ITFG1: variants seen among roughly 807,000 people sequenced by gnomAD.
ITFG1 encodes integrin alpha FG-GAP repeat containing 1, also known as T-cell immunomodulatory protein.
A neutral mutation model predicts 81.8 loss-of-function variants in ITFG1; 34 were observed. That is an observed-to-expected ratio of 0.42 (90% CI 0.32 to 0.55). The LOEUF (loss-of-function observed/expected upper bound fraction) is 0.55. Ranked by LOEUF, ITFG1 falls within the 20% of genes least tolerant of loss-of-function variation. The pLI is 0.17. For synonymous variants in ITFG1, 285 were observed against 270.6 expected (o/e 1.05, Z -0.52); for missense variants, 672 against 755.4 (o/e 0.89, Z 1.29).
chr16:47,345,968 T>G (rs780561157), intron 8 of ITFG1, among the ~76,000 whole-genome samples: 4 of 152,126 alleles, frequency 2.6e-5, no homozygotes, highest in Non-Finnish European at 5.9e-5. Flanking sequence ...GTATCCCACT[T>G]TCAACATTAA....
chr16:47,319,114 C>T (rs909825457), intron 8 of ITFG1, among the ~76,000 whole-genome samples: 16 of 152,156 alleles, frequency 1.1e-4, no homozygotes, highest in Admixed American at 6.5e-5. Flanking sequence ...TTTGTGAAAT[C>T]ACACATTGAT....
At chr16:47,266,294 T>C (rs1179747302) in intron 10 of ITFG1, among the ~76,000 whole-genome samples, 1 of 152,194 alleles carries the variant, frequency 6.6e-6, no homozygotes, top group Non-Finnish European at 1.5e-5. Flanking sequence ...CTCGGCTCAC[T>C]GCAACCTCTG....
chr16:47,415,995 G>A (rs1164488417), intron 6 of ITFG1, among the ~76,000 whole-genome samples: 3 of 152,184 alleles, frequency 2.0e-5, no homozygotes, highest in African/African-American at 7.2e-5. Context: ...TCAGGGGGCT[G>A]AGGCAGGAGA....
At chr16:47,357,708 C>T (rs1390195468) in intron 8 of ITFG1, among the ~76,000 whole-genome samples, 1 of 151,592 alleles carries the variant, frequency 6.6e-6, no homozygotes. Flanking sequence ...AACACTCTTA[C>T]CTAGAAAGGC....
chr16:47,455,965 A>G (rs1417462741), intron 2 of ITFG1, among the ~76,000 whole-genome samples: 2 of 152,094 alleles, frequency 1.3e-5, no homozygotes, highest in Non-Finnish European at 2.9e-5. Flanking sequence ...AAATTTTTCA[A>G]AGAAATATTT....
chr16:47,329,140 C>T (rs1260804154), intron 8 of ITFG1, among the ~76,000 whole-genome samples: 1 of 152,050 alleles, frequency 6.6e-6, no homozygotes, highest in African/African-American at 2.4e-5. Context: ...AATCTTTACA[C>T]ACAAAAGCTT....
intron 14 of ITFG1, among the ~76,000 whole-genome samples, chr16:47,192,853 T>C (rs765319108): frequency 6.6e-5 from 10 of 152,222 alleles, no homozygotes; most frequent in Admixed American, 1.3e-4. Flanking sequence ...GAGAACTTGA[T>C]AGGTACTCTA....
intron 14 of ITFG1, among the ~76,000 whole-genome samples, chr16:47,173,456 C>T (rs1964984429): frequency 6.6e-6 from 1 of 152,100 alleles, no homozygotes; most frequent in East Asian, 1.9e-4. Flanking sequence ...AAAATTTAAT[C>T]CTCCAAATGT....
chr16:47,460,647 C>T (rs909224838), intron 1 of ITFG1, among the ~76,000 whole-genome samples, 191 bp downstream of exon 1: 3 of 152,018 alleles, frequency 2.0e-5, no homozygotes, highest in Non-Finnish European at 4.4e-5. Context: ...TGTAGGGTAG[C>T]TGGGTCAGAA....
chr16:47,437,169 TG>T (rs551129531), intron 5 of ITFG1, among the ~76,000 whole-genome samples: 30 of 152,316 alleles, frequency 2.0e-4, no homozygotes, highest in Admixed American at 1.8e-3. Context: ...TATGTATTTT[TG>T]AAAACAAATC....
intron 5 of ITFG1, among the ~76,000 whole-genome samples, chr16:47,430,013 G>A (rs1041660782): frequency 2.7e-5 from 4 of 147,546 alleles, no homozygotes; most frequent in African/African-American, 7.5e-5. Flanking sequence ...CCTTTATCTA[G>A]TATATGACTT....
chr16:47,187,842 A>T (rs948124656), intron 14 of ITFG1, among the ~76,000 whole-genome samples: 8 of 152,200 alleles, frequency 5.3e-5, no homozygotes, highest in Admixed American at 1.3e-4. Flanking sequence ...AAAATGGGAG[A>T]AAATCTTCGC....
chr16:47,165,751 G>A (rs1371126182), intron 14 of ITFG1, among the ~76,000 whole-genome samples: 1 of 152,112 alleles, frequency 6.6e-6, no homozygotes, highest in African/African-American at 2.4e-5. Flanking sequence ...GAGTTGACCT[G>A]GGAGAATCAC....
chr16:47,162,839 A>AC, intron 14 of ITFG1, 175 bp from the exon 15 acceptor site: 1 of 507,844 alleles, frequency 2.0e-6, no homozygotes. Flanking sequence ...TTTTTTTGAG[A>AC]CATGGTCTCA....
intron 8 of ITFG1, among the ~76,000 whole-genome samples, chr16:47,339,106 C>G (rs1306914815): frequency 6.6e-6 from 1 of 152,180 alleles, no homozygotes; most frequent in African/African-American, 2.4e-5. Context: ...CCTTCACTTC[C>G]CTCCATGTTG....
chr16:47,459,225 T>G (rs1381177911), intron 1 of ITFG1, 50 bp from the exon 2 acceptor site: 2 of 1,209,294 alleles, frequency 1.7e-6, no homozygotes, highest in Non-Finnish European at 2.5e-6. Flanking sequence ...TGATAAGATA[T>G]CTAATCAGTG....
chr16:47,246,739 G>A (rs956994928), intron 12 of ITFG1, among the ~76,000 whole-genome samples: 2 of 152,186 alleles, frequency 1.3e-5, no homozygotes, highest in African/African-American at 2.4e-5. Context: ...TTGTTAAGGA[G>A]TGCTACAGAA....
At chr16:47,442,534 T>C (rs1448434750) in intron 5 of ITFG1, among the ~76,000 whole-genome samples, 6 of 152,190 alleles carry the variant, frequency 3.9e-5, no homozygotes, top group Non-Finnish European at 7.3e-5. Context: ...AACAGCATGG[T>C]ACTGGTACCA....
At position 47,176,057 on chromosome 16, in the gene ITFG1, G is replaced by C. The variant is rs147298869; in HGVS notation, c.1454-13393C>G. 3.7e-3 allele frequency among the ~76,000 whole-genome samples: 561 copies of C among 152,308 alleles called. 4 individuals carry two copies. Among genetic ancestry groups the C allele is most frequent in the African/African-American group, 0.013 (541 of 41,546 alleles). ...GGGAATGAGCCTGGTTACTCTTGTT[G>C]ATCTTTAATGAGGGACGCCAATTTG... On this transcript the variant is annotated intron_variant, in intron 14 of 17. Transcript: ENST00000320640.
Sources: gnomAD v4.1 joint callset for allele counts (sites outside exome capture counted in the v4.1 genomes callset) on GRCh38, gnomAD v4.1.1 for gene constraint, MANE v1.5 for transcripts, NCBI Gene and HGNC (gene_info 2026-07-23, HGNC 2026-07-21) for gene names.